AGBL4: variants seen among roughly 807,000 people sequenced by gnomAD.
AGBL4 encodes the protein cytosolic carboxypeptidase 6.
A neutral mutation model predicts 66.4 loss-of-function variants in AGBL4; 58 were observed. The observed-to-expected ratio is 0.87, with a 90% CI of 0.71 to 1.09. The LOEUF (loss-of-function observed/expected upper bound fraction) is 1.09. AGBL4 is among the 50% of genes least tolerant of loss of function. The pLI, the probability that AGBL4 is intolerant of heterozygous loss-of-function variation, is 0.00. For missense variants in AGBL4, 579 were observed against 631.0 expected, an observed-to-expected ratio of 0.92 and a Z score of 0.88; for synonymous variants, 234 against 222.9, an observed-to-expected ratio of 1.05 and a Z score of -0.44.
At chr1:49,603,929 TACACACACAC>T (rs60862640) in intron 3 of AGBL4, among the ~76,000 whole-genome samples, 11,318 of 140,392 alleles carry the variant, frequency 0.081, 939 homozygotes, top group African/African-American at 0.22. Context: ...TTCCATGGTA[TACACACACAC>T]ACACACACAC....
At chr1:49,273,695 G>C (rs906661669) in intron 3 of AGBL4, among the ~76,000 whole-genome samples, 1 of 150,360 alleles carries the variant, frequency 6.7e-6, no homozygotes, top group Non-Finnish European at 1.5e-5. Flanking sequence ...TTTATTTTTC[G>C]AGATGGAGTC....
chr1:49,599,640 C>A (rs1349315025), intron 3 of AGBL4, among the ~76,000 whole-genome samples: 3 of 152,030 alleles, frequency 2.0e-5, no homozygotes, highest in African/African-American at 4.8e-5. Context: ...TTACTTATTT[C>A]TTGTCTTCTG....
intron 6 of AGBL4, among the ~76,000 whole-genome samples, chr1:48,840,276 A>G (rs968739469): frequency 1.3e-5 from 2 of 152,148 alleles, no homozygotes; most frequent in Admixed American, 1.3e-4. Context: ...CTCCCAAGGC[A>G]GAGATACCTC....
intron 3 of AGBL4, among the ~76,000 whole-genome samples, chr1:49,521,094 C>A (rs1387047923): frequency 2.6e-5 from 4 of 152,014 alleles, no homozygotes; most frequent in African/African-American, 4.8e-5. Context: ...CAGGCATGAG[C>A]CACTATGCCT....
At chr1:48,642,931 G>A (rs1461287086) in intron 8 of AGBL4, among the ~76,000 whole-genome samples, 2 of 152,148 alleles carry the variant, frequency 1.3e-5, no homozygotes, top group Non-Finnish European at 2.9e-5. Context: ...ACACGGCCTG[G>A]ATAAAACCCT....
chr1:48,755,460 CA>C (rs1387586784), intron 6 of AGBL4, among the ~76,000 whole-genome samples: 3 of 152,072 alleles, frequency 2.0e-5, no homozygotes, highest in African/African-American at 7.2e-5. Context: ...CTGAGGTGGA[CA>C]AAAAATGAAA....
In AGBL4 at chr1:50,019,263, TTCTCTC is replaced by T. The variant is rs71059571; in HGVS notation, c.34+4494_34+4499del. On this transcript the variant is annotated intron_variant, in intron 1 of 13. Transcript: ENST00000371839. ...TCCTATGCCTTTAGGAAAAAAAATA[TTCTCTC>T]TCTCTCTCTCTCTCTCTCTCTCTCT... is the stretch of plus-strand genomic sequence containing the variant. 5.1e-3 allele frequency among the ~76,000 whole-genome samples: 430 copies of T among 83,642 alleles called. 8 individuals carry two copies. The highest frequency in any genetic ancestry group is 0.015 in the African/African-American group (307 of 20,608). 54.9% of individuals were successfully genotyped at this position (83,642 alleles called of 152,430 possible).
intron 5 of AGBL4, among the ~76,000 whole-genome samples, chr1:48,984,565 A>G (rs1660029474): frequency 6.7e-6 from 1 of 148,918 alleles, no homozygotes; most frequent in African/African-American, 2.5e-5. Context: ...GTGTCCAAGA[A>G]GGGATATAAT....
At chr1:49,005,780 A>T (rs1410710224) in intron 5 of AGBL4, among the ~76,000 whole-genome samples, 2 of 152,104 alleles carry the variant, frequency 1.3e-5, no homozygotes, top group East Asian at 3.9e-4. Context: ...AGGCAGGTGG[A>T]TCACAAGGTC....
At chr1:49,068,890 CTGT>C (rs1315229231) in intron 4 of AGBL4, among the ~76,000 whole-genome samples, 1 of 152,170 alleles carries the variant, frequency 6.6e-6, no homozygotes, top group Non-Finnish European at 1.5e-5. Flanking sequence ...TCTCCAGCAC[CTGT>C]TGTTTCCTGA....
intron 6 of AGBL4, among the ~76,000 whole-genome samples, chr1:48,832,858 A>G (rs1646587395): frequency 6.6e-6 from 1 of 152,112 alleles, no homozygotes; most frequent in African/African-American, 2.4e-5. Context: ...CTGTCCTCAG[A>G]CTCTGACTTA....
At chr1:48,635,521 T>C (rs1243019768) in intron 8 of AGBL4, among the ~76,000 whole-genome samples, 1 of 152,226 alleles carries the variant, frequency 6.6e-6, no homozygotes, top group African/African-American at 2.4e-5. Context: ...TGTGGGATAA[T>C]GCCCCCATGG....
chr1:49,447,019 C>T (rs971304519), intron 3 of AGBL4, among the ~76,000 whole-genome samples: 1 of 152,174 alleles, frequency 6.6e-6, no homozygotes, highest in African/African-American at 2.4e-5. Flanking sequence ...TCACCACTCA[C>T]AGCCTCTTAC....
At chr1:48,604,282 G>T (rs1645122230) in intron 9 of AGBL4, among the ~76,000 whole-genome samples, 1 of 152,156 alleles carries the variant, frequency 6.6e-6, no homozygotes, top group South Asian at 2.1e-4. Flanking sequence ...CAGGTTTCTG[G>T]ATTGAGGGGG....
At chr1:49,712,398 T>G (rs1418166573) in intron 2 of AGBL4, among the ~76,000 whole-genome samples, 2 of 151,672 alleles carry the variant, frequency 1.3e-5, no homozygotes, top group Non-Finnish European at 2.9e-5. Context: ...TTTTAAAAGT[T>G]GAATATATAG....
At chr1:48,720,131 C>T (rs1380408512) in intron 6 of AGBL4, among the ~76,000 whole-genome samples, 1 of 152,196 alleles carries the variant, frequency 6.6e-6, no homozygotes, top group Admixed American at 6.5e-5. Flanking sequence ...GCCATCCATA[C>T]TGGCTCTGTA....
At chr1:49,936,380 C>T (rs141356664) in intron 1 of AGBL4, among the ~76,000 whole-genome samples, 344 of 152,232 alleles carry the variant, frequency 2.3e-3, no homozygotes, top group African/African-American at 7.9e-3. Flanking sequence ...CTTAAAGTGA[C>T]GGGGAGAATG....
intron 4 of AGBL4, among the ~76,000 whole-genome samples, chr1:49,207,816 G>A (rs1648361371): frequency 6.6e-6 from 1 of 151,596 alleles, no homozygotes; most frequent in South Asian, 2.1e-4. Flanking sequence ...TTAAACTCCT[G>A]GGCTTAAGCG....
chr1:49,764,824 T>A (rs554569881), intron 2 of AGBL4, among the ~76,000 whole-genome samples: 1 of 152,208 alleles, frequency 6.6e-6, no homozygotes, highest in African/African-American at 2.4e-5. Context: ...ACCACTCCCA[T>A]GGAGAGTCGC....
Sources: gnomAD v4.1 joint callset for allele counts (sites outside exome capture counted in the v4.1 genomes callset) on GRCh38, gnomAD v4.1.1 for gene constraint, MANE v1.5 for transcripts, NCBI Gene and HGNC (gene_info 2026-07-23, HGNC 2026-07-21) for gene names.